PXDNL: variants seen among roughly 807,000 people sequenced by gnomAD.
The protein encoded by PXDNL is probable oxidoreductase PXDNL.
A neutral mutation model predicts 150.8 loss-of-function variants in PXDNL; 145 were observed. The observed-to-expected ratio is 0.96, with a 90% confidence interval of 0.84 to 1.10. The LOEUF (loss-of-function observed/expected upper bound fraction) is 1.10, where lower values mean the gene tolerates loss of function less well. Among genes scored for constraint, PXDNL ranks in the 50% least tolerant of loss-of-function variants. The probability of loss-of-function intolerance (pLI) is 0.00; values close to 1 mark genes in which losing one functional copy is unlikely to be tolerated. For missense variants in PXDNL, 2,087 were observed against 1,873.9 expected (o/e 1.11, Z -2.10); for synonymous variants, 757 against 725.7 (o/e 1.04, Z -0.69).
At chr8:51,731,610 A>G (rs1056542113) in intron 1 of PXDNL, among the ~76,000 whole-genome samples, 1 of 152,138 alleles carries the variant, frequency 6.6e-6, no homozygotes, top group African/African-American at 2.4e-5. Flanking sequence ...TCCCTTTTGC[A>G]CTGTCCTAGC....
At chr8:51,414,553 A>G (rs925215617) in intron 14 of PXDNL, among the ~76,000 whole-genome samples, 1 of 151,864 alleles carries the variant, frequency 6.6e-6, no homozygotes, top group African/African-American at 2.4e-5. Flanking sequence ...TGATGACCAC[A>G]AGATTGAGGC....
At chr8:51,554,251 G>T (rs1477981515) in intron 4 of PXDNL, among the ~76,000 whole-genome samples, 1 of 152,104 alleles carries the variant, frequency 6.6e-6, no homozygotes, top group Admixed American at 6.5e-5. Flanking sequence ...TGGGAATTTG[G>T]GGGGCAGAGA....
rs1810653840 is a variant in PXDNL, at chr8:51,483,623, A to G, written c.524+20T>C. 7.0e-7 allele frequency: 1 copy of G among 1,433,070 alleles called. No individual in the cohort carries two copies. The allele number at this position is 1,433,070 out of a possible 1,614,324, so 88.8% of individuals were successfully genotyped here. ...GAAATTATAAAAGGTTTTTGTGTTA[A>G]TGCACTTGCTTTCACTTACAATCTT... On this transcript the variant is annotated intron_variant, in intron 6 of 22. Transcript: ENST00000356297.
intron 17 of PXDNL, among the ~76,000 whole-genome samples, chr8:51,397,044 C>T (rs975212161): frequency 4.6e-5 from 7 of 152,156 alleles, no homozygotes; most frequent in African/African-American, 1.4e-4. Context: ...TAAATGAACC[C>T]ATATATACAT....
Position 51,809,313 on chromosome 8 carries a change from A to C in PXDNL, c.32T>G (p.Leu11Arg). 1 of 1,568,902 alleles carries C rather than the reference A, an allele frequency of 6.4e-7. No individual in the cohort carries two copies. Among genetic ancestry groups the C allele is most frequent in the Non-Finnish European group, 8.6e-7 (1 of 1,156,950 alleles). Residue 11 changes from leucine to arginine, a missense_variant, in exon 1 of 23, where the codon CTC (leucine) becomes CGC (arginine). By Grantham distance (102) the Leu-to-Arg change is moderately radical (BLOSUM62 -2). Coordinates refer to ENST00000356297, the MANE Select transcript of PXDNL (RefSeq NM_144651.5). MEPRLFCWTT[L>R]FLLAGWCLPG... ...CAGGCACCACCCGGCCAGGAGAAAG[A>C]GAGTGGTCCAGCAGAACAGTCTGGG...
Position 51,399,293 on chromosome 8 carries a change from G to A in PXDNL, c.3557+8774C>T, listed in dbSNP as rs148376664. Among the ~76,000 whole-genome samples the A allele has an allele frequency of 2.5e-3, 384 of 152,262 alleles. 2 individuals are homozygous for A. Among genetic ancestry groups the A allele is most frequent in the African/African-American group, 8.8e-3 (365 of 41,552 alleles). ...AAAGACGTGCATGTAAGAGTTCATC[G>A]CAGTTATTCAGAAGAGATAAATACG... is the stretch of plus-strand genomic sequence containing the variant. On this transcript the variant is annotated intron_variant, in intron 17 of 22. Coordinates refer to ENST00000356297, the MANE Select transcript of PXDNL (RefSeq NM_144651.5).
intron 2 of PXDNL, among the ~76,000 whole-genome samples, chr8:51,614,180 C>G (rs893402874): frequency 6.6e-6 from 1 of 152,212 alleles, no homozygotes; most frequent in African/African-American, 2.4e-5. Flanking sequence ...CAGCACCAGT[C>G]ATTCTCTTAT....
intron 2 of PXDNL, among the ~76,000 whole-genome samples, chr8:51,604,646 T>C (rs1473434199): frequency 2.6e-5 from 4 of 152,122 alleles, no homozygotes; most frequent in African/African-American, 9.7e-5. Flanking sequence ...ACTTAAAGTA[T>C]AATAATAATA....
Position 51,408,280 on chromosome 8 carries a change from G to A in PXDNL, c.3344C>T (p.Ser1115Phe), listed in dbSNP as rs752303343. ...FGVAAKWRAP[S>F]YLLSPELTQR... is the part of the protein sequence containing the mutation. Reference sequence around the variant, plus strand: ...GGTCAGCTCAGGACTGAGAAGGTAGGAGGGTGCCCGCCATTTAGCAGCCAC... The same window carrying A: ...GGTCAGCTCAGGACTGAGAAGGTAGAAGGGTGCCCGCCATTTAGCAGCCAC... The change falls in exon 17 of 23, where the codon TCC becomes TTC. Residue 1115 changes from serine to phenylalanine, a missense_variant. Coordinates refer to ENST00000356297, the MANE Select transcript of PXDNL (RefSeq NM_144651.5). The A allele has an allele frequency of 1.2e-6, 2 of 1,613,960 alleles. No individual in the cohort carries two copies. The highest frequency in any genetic ancestry group is 1.7e-6 in the Non-Finnish European group (2 of 1,179,864).
At chr8:51,665,065 G>A (rs537430498) in intron 1 of PXDNL, among the ~76,000 whole-genome samples, 1 of 152,312 alleles carries the variant, frequency 6.6e-6, no homozygotes, top group African/African-American at 2.4e-5. Flanking sequence ...CCATCTGCTC[G>A]GGTGCCTCTT....
intron 1 of PXDNL, among the ~76,000 whole-genome samples, chr8:51,803,648 C>T (rs1046287842): frequency 6.6e-6 from 1 of 152,176 alleles, no homozygotes; most frequent in African/African-American, 2.4e-5. Flanking sequence ...GCAAGGGGGG[C>T]ACATTTCCCA....
chr8:51,668,901 A>T (rs1388003254), intron 1 of PXDNL, among the ~76,000 whole-genome samples: 2 of 152,086 alleles, frequency 1.3e-5, no homozygotes, highest in African/African-American at 4.8e-5. Context: ...CTGATCAATA[A>T]CCATTTGTTG....
At chr8:51,332,599 AAAG>A (rs1444195634) in intron 21 of PXDNL, among the ~76,000 whole-genome samples, 1 of 152,118 alleles carries the variant, frequency 6.6e-6, no homozygotes, top group African/African-American at 2.4e-5. Flanking sequence ...ACAAGAAGTG[AAAG>A]GAGAAATATT....
At chr8:51,784,728 T>C (rs1175584588) in intron 1 of PXDNL, among the ~76,000 whole-genome samples, 1 of 116,222 alleles carries the variant, frequency 8.6e-6, no homozygotes, top group African/African-American at 2.5e-5. Flanking sequence ...AAATTTTTCC[T>C]GCAGTTAGAA....
At chr8:51,691,590 C>T (rs1254778695) in intron 1 of PXDNL, among the ~76,000 whole-genome samples, 1 of 150,908 alleles carries the variant, frequency 6.6e-6, no homozygotes, top group Admixed American at 6.6e-5. Context: ...AAAAAAAACA[C>T]CTAAATATAA....
chr8:51,736,955 G>A (rs995183176), intron 1 of PXDNL, among the ~76,000 whole-genome samples: 11 of 152,144 alleles, frequency 7.2e-5, no homozygotes, highest in Non-Finnish European at 1.2e-4. Flanking sequence ...TTATCCATAA[G>A]AGCGGTTGTT....
intron 19 of PXDNL, among the ~76,000 whole-genome samples, chr8:51,366,711 G>A (rs1273827691): frequency 6.6e-6 from 1 of 152,120 alleles, no homozygotes; most frequent in Non-Finnish European, 1.5e-5. Flanking sequence ...CCTGACAGTG[G>A]GCAGTGCACA....
chr8:51,809,073 A>T (rs1417601941), intron 1 of PXDNL, 108 bp downstream of exon 1: 3 of 1,161,290 alleles, frequency 2.6e-6, no homozygotes, highest in Non-Finnish European at 2.5e-6. Flanking sequence ...TTCTAAGTAT[A>T]CAAGCAGGGA....
intron 4 of PXDNL, among the ~76,000 whole-genome samples, chr8:51,521,817 C>A (rs940454101): frequency 3.9e-5 from 6 of 152,088 alleles, no homozygotes; most frequent in African/African-American, 1.4e-4. Flanking sequence ...AAGAATTACA[C>A]TGAACTTCTC....
Sources: allele counts gnomAD v4.1 joint callset (sites outside exome capture counted in the v4.1 genomes callset), GRCh38; gene constraint gnomAD v4.1.1; transcripts MANE v1.5; gene names NCBI Gene and HGNC (gene_info 2026-07-23, HGNC 2026-07-21).